THSD4: variants seen among roughly 807,000 people sequenced by gnomAD.
The protein encoded by THSD4 is thrombospondin type-1 domain-containing protein 4.
Under a neutral mutation model 119.0 loss-of-function variants are expected in THSD4, and 69 were observed. The ratio of observed to expected loss-of-function variants is 0.58; its 90% confidence interval spans 0.48 to 0.71. The LOEUF is 0.71. Among genes scored for constraint, THSD4 ranks in the 30% least tolerant of loss-of-function variants. THSD4 has a pLI of 0.00. For synonymous variants in THSD4, 524 were observed against 540.4 expected (o/e 0.97, Z 0.42); for missense variants, 1,393 against 1,391.1 (o/e 1.00, Z -0.02).
rs2044597358 is a variant in THSD4 at position 71,276,968 on chromosome 15, T to C, written c.1015+20253T>C. 1.3e-5 allele frequency among the ~76,000 whole-genome samples: 2 copies of C among 152,152 alleles called. 1 individual carries two copies. The highest frequency in any genetic ancestry group is 4.1e-4 in the South Asian group (2 of 4,828). ...GCAGTGTATCCAGAGGTGGAGGAACTGAATCAAGGATAGTTTTAAAAACTG... is the reference window on the plus strand; with the variant it reads ...GCAGTGTATCCAGAGGTGGAGGAACCGAATCAAGGATAGTTTTAAAAACTG... On this transcript the variant is annotated intron_variant, in intron 6 of 17. Coordinates refer to ENST00000261862, the MANE Select transcript of THSD4 (RefSeq NM_024817.3).
chr15:71,573,753 A>G (rs1029211528), intron 7 of THSD4, among the ~76,000 whole-genome samples: 2 of 152,206 alleles, frequency 1.3e-5, no homozygotes, highest in Admixed American at 1.3e-4. Context: ...CTGAAGGATT[A>G]TGAGCTATAA....
chr15:71,665,620 A>G (rs113764605), intron 8 of THSD4, among the ~76,000 whole-genome samples: 2,234 of 152,156 alleles, frequency 0.015, 57 homozygotes, highest in African/African-American at 0.051. Context: ...CTAGGGTTTT[A>G]TAGTTTTGGG....
At chr15:71,537,849 G>A (rs2048707180) in intron 7 of THSD4, among the ~76,000 whole-genome samples, 1 of 151,906 alleles carries the variant, frequency 6.6e-6, no homozygotes, top group African/African-American at 2.4e-5. Flanking sequence ...CACTGCAACT[G>A]CCTCCTAGGT....
At chr15:71,607,639 G>T (rs922906404) in intron 7 of THSD4, among the ~76,000 whole-genome samples, 1 of 152,224 alleles carries the variant, frequency 6.6e-6, no homozygotes, top group Non-Finnish European at 1.5e-5. Context: ...CACAACGGAG[G>T]TGTGGCCTTA....
chr15:71,227,013 C>T (rs760465832), intron 4 of THSD4, among the ~76,000 whole-genome samples: 6 of 152,128 alleles, frequency 3.9e-5, no homozygotes, highest in African/African-American at 1.2e-4. Flanking sequence ...AGCAGATAAA[C>T]GGTGTTCCAA....
intron 1 of THSD4, among the ~76,000 whole-genome samples, chr15:71,130,014 A>G (rs2040489080): frequency 6.6e-6 from 1 of 152,182 alleles, no homozygotes; most frequent in Non-Finnish European, 1.5e-5. Flanking sequence ...TCCTGGACTC[A>G]AGGGCGGAGC....
At chr15:71,632,581 G>C (rs1169880104) in intron 7 of THSD4, among the ~76,000 whole-genome samples, 1 of 152,226 alleles carries the variant, frequency 6.6e-6, no homozygotes, top group East Asian at 1.9e-4. Context: ...TGTTTTAAAT[G>C]TCTGTATGTT....
At chr15:71,750,491 C>A (rs541338043) in intron 14 of THSD4, among the ~76,000 whole-genome samples, 3 of 152,312 alleles carry the variant, frequency 2.0e-5, no homozygotes, top group African/African-American at 7.2e-5. Context: ...AGAGGAAGGA[C>A]AAACCTGCAA....
chr15:71,475,144 C>T (rs1209265467), intron 7 of THSD4, among the ~76,000 whole-genome samples: 2 of 152,198 alleles, frequency 1.3e-5, no homozygotes, highest in African/African-American at 2.4e-5. Flanking sequence ...TATAACTTTA[C>T]TAATAATCCC....
chr15:71,272,327 G>C (rs1259383386), intron 6 of THSD4, among the ~76,000 whole-genome samples: 1 of 148,472 alleles, frequency 6.7e-6, no homozygotes, highest in Non-Finnish European at 1.5e-5. Context: ...GAACCCAGGA[G>C]GTGGAGGTTA....
At chr15:71,574,147 A>T (rs952583507) in intron 7 of THSD4, among the ~76,000 whole-genome samples, 16 of 152,186 alleles carry the variant, frequency 1.1e-4, no homozygotes, top group Non-Finnish European at 1.5e-5. Flanking sequence ...CCTGTATTGT[A>T]GTGTCTGATG....
chr15:71,289,000 A>T (rs1360372957), intron 6 of THSD4, among the ~76,000 whole-genome samples: 1 of 152,196 alleles, frequency 6.6e-6, no homozygotes, highest in Non-Finnish European at 1.5e-5. Context: ...TCTTTTAGGA[A>T]GATAGCTAAA....
chr15:71,658,695 G>GC (rs2051238213), intron 7 of THSD4, among the ~76,000 whole-genome samples: 1 of 152,186 alleles, frequency 6.6e-6, no homozygotes, highest in Admixed American at 6.5e-5. Flanking sequence ...GCTAAAATGT[G>GC]CGTGGGGCAG....
intron 7 of THSD4, among the ~76,000 whole-genome samples, chr15:71,597,252 C>T (rs982269235): frequency 6.6e-6 from 1 of 152,026 alleles, no homozygotes; most frequent in African/African-American, 2.4e-5. Context: ...CTCAAGTAGG[C>T]AAGAATATGT....
At chr15:71,424,145 G>A (rs1319679974) in intron 7 of THSD4, among the ~76,000 whole-genome samples, 1 of 152,022 alleles carries the variant, frequency 6.6e-6, no homozygotes, top group East Asian at 1.9e-4. Flanking sequence ...TTATGTGATC[G>A]CCCACCTGAT....
At chr15:71,622,247 GATTC>G (rs1329330437) in intron 7 of THSD4, among the ~76,000 whole-genome samples, 1 of 152,124 alleles carries the variant, frequency 6.6e-6, no homozygotes, top group African/African-American at 2.4e-5. Flanking sequence ...CATTTTTATT[GATTC>G]ATCATTTCTG....
rs2052910300 is a variant in THSD4 at position 71,728,578 on chromosome 15, A to G, written c.1387A>G (p.Ile463Val). The part of the protein sequence containing the change: ...ALRSRSGRSI[I>V]NGNWAIDRPG... Reference sequence around the variant, plus strand: ...GAGAAGTCGTTCTGGACGCTCCATCATCAATGGGAACTGGGCAATTGATCG... The same window carrying G: ...GAGAAGTCGTTCTGGACGCTCCATCGTCAATGGGAACTGGGCAATTGATCG... The change falls in exon 9 of 18, where the codon ATC becomes GTC. Residue 463 changes from isoleucine to valine, a missense_variant. Ile to Val is a conservative substitution (Grantham distance 29, BLOSUM62 3). Coordinates refer to ENST00000261862, the MANE Select transcript of THSD4 (RefSeq NM_024817.3). 6.2e-7 allele frequency: 1 copy of G among 1,614,214 alleles called. No individual in the cohort carries two copies. The highest frequency in any genetic ancestry group is 8.5e-7 in the Non-Finnish European group (1 of 1,180,042).
At chr15:71,741,213 G>T (rs758795150) in intron 11 of THSD4, among the ~76,000 whole-genome samples, 2 of 152,120 alleles carry the variant, frequency 1.3e-5, no homozygotes, top group African/African-American at 2.4e-5. Flanking sequence ...ATAAGCGGCC[G>T]GGCATGGTGG....
intron 8 of THSD4, among the ~76,000 whole-genome samples, chr15:71,721,767 G>A (rs1182370516): frequency 6.6e-6 from 1 of 152,098 alleles, no homozygotes; most frequent in Non-Finnish European, 1.5e-5. Context: ...CTTGGAGAAT[G>A]GCATTGTTGG....
Sources: gnomAD v4.1 joint callset for allele counts (sites outside exome capture counted in the v4.1 genomes callset) on GRCh38, gnomAD v4.1.1 for gene constraint, MANE v1.5 for transcripts, NCBI Gene and HGNC (gene_info 2026-07-23, HGNC 2026-07-21) for gene names.